RSL24D1: variants seen among roughly 807,000 people sequenced by gnomAD.
RSL24D1 encodes the protein ribosomal L24 domain containing 1.
Under a neutral mutation model 26.2 loss-of-function variants are expected in RSL24D1, and 6 were observed. The ratio of observed to expected loss-of-function variants is 0.23; its 90% CI spans 0.13 to 0.45. The LOEUF is 0.45. RSL24D1 is among the 20% of genes least tolerant of loss of function. RSL24D1 has a pLI of 0.99. For synonymous variants in RSL24D1, 61 were observed against 59.1 expected (o/e 1.03, Z -0.15); for missense variants, 176 against 202.6 (o/e 0.87, Z 0.80).
chr15:55,183,232 T>C (rs911608821), intron 5 of RSL24D1, 83 bp downstream of exon 5: 1 of 909,128 alleles, frequency 1.1e-6, no homozygotes. Flanking sequence ...TGAAAGATAA[T>C]ATTTATAGGA....
At chr15:55,195,567 T>A (rs1038042744) in intron 1 of RSL24D1, 1 of 152,204 alleles carries the variant, frequency 6.6e-6, no homozygotes, top group African/African-American at 2.4e-5. Flanking sequence ...GTTGTTCTAA[T>A]TCCAATATCC....
At chr15:55,196,535 T>G (rs1894359154) in intron 1 of RSL24D1, 1 of 586,982 alleles carries the variant, frequency 1.7e-6, no homozygotes, top group South Asian at 1.8e-5. Flanking sequence ...CATCCAAGAT[T>G]CCTGGTAGGC....
chr15:55,196,488 G>C (rs7179785), intron 1 of RSL24D1: 9,387 of 564,310 alleles, frequency 0.017, 687 homozygotes, highest in African/African-American at 0.16. Context: ...TCAAGAATTT[G>C]GCCCAAGTAC....
chr15:55,185,247 T>A (rs28562431), intron 4 of RSL24D1, 115 bp downstream of exon 4: 70,762 of 607,480 alleles, frequency 0.12, 4,294 homozygotes, highest in South Asian at 0.15. Context: ...TTCCTTGAAG[T>A]TTTTGGTAAG....
chr15:55,185,308 T>C, intron 4 of RSL24D1, 54 bp downstream of exon 4: 1 of 1,378,098 alleles, frequency 7.3e-7, no homozygotes, highest in Non-Finnish European at 9.9e-7. Flanking sequence ...CTAATGCCTC[T>C]AAATATCTAC....
intron 3 of RSL24D1, among the ~76,000 whole-genome samples, chr15:55,188,902 T>A (rs2140593715): frequency 6.6e-6 from 1 of 152,206 alleles, no homozygotes; most frequent in South Asian, 2.1e-4. Context: ...CAGAAATGCC[T>A]CAGGACTGGC....
At chr15:55,196,369 C>T (rs1387283193) in intron 1 of RSL24D1, 1 of 458,776 alleles carries the variant, frequency 2.2e-6, no homozygotes, top group East Asian at 6.9e-5. Context: ...TAACTTAATA[C>T]ATAACTCTAC....
chr15:55,184,735 C>T (rs1894205652), intron 4 of RSL24D1, among the ~76,000 whole-genome samples: 1 of 152,118 alleles, frequency 6.6e-6, no homozygotes, highest in Non-Finnish European at 1.5e-5. Context: ...TCAAAGTTAA[C>T]ATCACCAGCA....
chr15:55,192,955 G>A (rs1894315355), intron 1 of RSL24D1, 122 bp from the exon 2 acceptor site: 1 of 612,024 alleles, frequency 1.6e-6, no homozygotes, highest in Non-Finnish European at 2.9e-6. Flanking sequence ...AAATGTGTAA[G>A]ATATATCAGA....
At chr15:55,184,009 C>T (rs963765413) in intron 4 of RSL24D1, among the ~76,000 whole-genome samples, 2 of 152,084 alleles carry the variant, frequency 1.3e-5, no homozygotes. Flanking sequence ...TTTAAAAAAC[C>T]ATTGGGTAAT....
intron 3 of RSL24D1, among the ~76,000 whole-genome samples, chr15:55,186,359 C>A (rs556243540): frequency 6.6e-6 from 1 of 152,104 alleles, no homozygotes; most frequent in East Asian, 1.9e-4. Context: ...AAAACAGTAA[C>A]TCTTCAGTGG....
intron 3 of RSL24D1, among the ~76,000 whole-genome samples, chr15:55,188,228 G>C (rs1016192608): frequency 1.5e-4 from 23 of 152,114 alleles, no homozygotes; most frequent in African/African-American, 4.1e-4. Flanking sequence ...ATATTGTTCT[G>C]GAACACTACT....
intron 1 of RSL24D1, chr15:55,196,237 T>A (rs1389996616): frequency 2.3e-6 from 1 of 429,614 alleles, no homozygotes. Context: ...TTTCTCAAAA[T>A]GTTCACTTTC....
intron 1 of RSL24D1, chr15:55,196,554 G>A (rs2140600157): frequency 1.7e-6 from 1 of 594,380 alleles, no homozygotes; most frequent in Middle Eastern, 2.8e-4. Flanking sequence ...GCGCTAGCTG[G>A]GATCGCTCCT....
At chr15:55,189,193 CAAAA>C (rs11320888) in intron 3 of RSL24D1, among the ~76,000 whole-genome samples, 3 of 66,510 alleles carry the variant, frequency 4.5e-5, no homozygotes, top group South Asian at 5.1e-4. Context: ...ACTCCCATCT[CAAAA>C]AAAAAAAAAA....
At chr15:55,194,224 T>A (rs1480858299) in intron 1 of RSL24D1, 1 of 152,112 alleles carries the variant, frequency 6.6e-6, no homozygotes, top group Non-Finnish European at 1.5e-5. Context: ...AATCAGTAAA[T>A]AAAGAGCATC....
intron 5 of RSL24D1, 33 bp downstream of exon 5, chr15:55,183,282 C>T: frequency 6.4e-7 from 1 of 1,551,436 alleles, no homozygotes; most frequent in Non-Finnish European, 8.8e-7. Context: ...ATACACAGAC[C>T]ACAAAAATCT....
intron 1 of RSL24D1, chr15:55,196,386 G>C (rs1443896202): frequency 4.3e-6 from 2 of 461,432 alleles, no homozygotes; most frequent in Admixed American, 4.7e-5. Context: ...CTACCATTAA[G>C]CAATACGGAA....
At chr15:55,195,740 C>T (rs1274759441) in intron 1 of RSL24D1, 2 of 152,350 alleles carry the variant, frequency 1.3e-5, no homozygotes, top group Non-Finnish European at 1.5e-5. Flanking sequence ...CTTCTAGGTT[C>T]TTTTACGTTA....
Sources: gnomAD v4.1 joint callset for allele counts (sites outside exome capture counted in the v4.1 genomes callset) on GRCh38, gnomAD v4.1.1 for gene constraint, MANE v1.5 for transcripts, NCBI Gene and HGNC (gene_info 2026-07-23, HGNC 2026-07-21) for gene names.